IL12RB2: variants seen among roughly 807,000 people sequenced by gnomAD.
IL12RB2 encodes the protein interleukin 12 receptor subunit beta 2.
In IL12RB2, 82 loss-of-function variants were observed where a neutral mutation model predicts 89.4. That is an observed-to-expected ratio of 0.92 (90% CI 0.77 to 1.10). The LOEUF (loss-of-function observed/expected upper bound fraction) is 1.10, where lower values mean the gene tolerates loss of function less well. Among genes scored for constraint, IL12RB2 ranks in the 50% least tolerant of loss-of-function variants. The probability of loss-of-function intolerance (pLI) is 0.00; values close to 1 mark genes in which losing one functional copy is unlikely to be tolerated. For synonymous variants in IL12RB2, 368 were observed against 370.1 expected (o/e 0.99, Z 0.07); for missense variants, 963 against 1,031.9 (o/e 0.93, Z 0.92).
chr1:67,337,000 A>C (rs1658856474), intron 8 of IL12RB2, among the ~76,000 whole-genome samples: 2 of 152,154 alleles, frequency 1.3e-5, no homozygotes, highest in South Asian at 4.1e-4. Flanking sequence ...TGAGGGAGCT[A>C]GCCGAAGGAT....
intron 1 of IL12RB2, among the ~76,000 whole-genome samples, chr1:67,313,541 C>A (rs1318225584): frequency 1.3e-5 from 2 of 152,110 alleles, no homozygotes; most frequent in African/African-American, 4.8e-5. Context: ...AATCAGGAGA[C>A]TGGCCGGGCA....
chr1:67,341,535 GA>G (rs67636406), intron 9 of IL12RB2, among the ~76,000 whole-genome samples: 9,958 of 36,082 alleles, frequency 0.28, 390 homozygotes, highest in South Asian at 0.38. Flanking sequence ...GAAAGAGAAA[GA>G]AAGAAAGAAA....
rs531877321 is a variant in IL12RB2, at chr1:67,397,110, G to C, written c.*1021G>C. 6.7e-6 allele frequency among the ~76,000 whole-genome samples: 1 copy of C among 150,078 alleles called. No homozygotes were observed. Among genetic ancestry groups the C allele is most frequent in the African/African-American group, 2.5e-5 (1 of 40,738 alleles). On this transcript the variant is annotated 3_prime_UTR_variant, in exon 17 of 17. Transcript: ENST00000674203. ...CCACTGCACTCCAGCCTGGGCAACA[G>C]AGCAAGACTCTGTCTCAAAAAAGAA...
chr1:67,367,545 A>T (rs1022771085), intron 10 of IL12RB2, among the ~76,000 whole-genome samples: 2 of 150,184 alleles, frequency 1.3e-5, no homozygotes, highest in Non-Finnish European at 3.0e-5. Flanking sequence ...GAGGGAAGGA[A>T]GGAAGGGAAG....
At chr1:67,310,393 T>C (rs941877932) in intron 1 of IL12RB2, among the ~76,000 whole-genome samples, 1 of 152,160 alleles carries the variant, frequency 6.6e-6, no homozygotes. Context: ...AAGGCCCAGT[T>C]CATGACCTAC....
At chr1:67,321,337 TAA>T (rs992569433) in intron 3 of IL12RB2, among the ~76,000 whole-genome samples, 39 of 152,316 alleles carry the variant, frequency 2.6e-4, no homozygotes, top group African/African-American at 9.4e-4. Context: ...TCCTGCTTTC[TAA>T]CCACTTTCCT....
At chr1:67,376,136 G>A (rs1020919451) in intron 13 of IL12RB2, among the ~76,000 whole-genome samples, 1 of 151,920 alleles carries the variant, frequency 6.6e-6, no homozygotes, top group African/African-American at 2.4e-5. Flanking sequence ...GTGAGCCACC[G>A]CGCCTGGCTG....
At chr1:67,347,088 T>C (rs1255455336) in intron 9 of IL12RB2, among the ~76,000 whole-genome samples, 1 of 152,022 alleles carries the variant, frequency 6.6e-6, no homozygotes, top group Non-Finnish European at 1.5e-5. Context: ...GCACTGAGGC[T>C]CAAAAAGGGA....
chr1:67,376,888 T>G (rs1570139275), intron 13 of IL12RB2, among the ~76,000 whole-genome samples: 1 of 152,306 alleles, frequency 6.6e-6, no homozygotes, highest in East Asian at 1.9e-4. Context: ...AAGGTCTCTC[T>G]AAAATTAATT....
intron 15 of IL12RB2, among the ~76,000 whole-genome samples, chr1:67,389,509 G>A (rs1378199116): frequency 6.6e-6 from 1 of 152,072 alleles, no homozygotes; most frequent in Non-Finnish European, 1.5e-5. Context: ...TACAATCACT[G>A]TTAATAGATA....
At chr1:67,336,889 A>G (rs751628901) in intron 8 of IL12RB2, among the ~76,000 whole-genome samples, 1 of 152,326 alleles carries the variant, frequency 6.6e-6, no homozygotes, top group Middle Eastern at 3.4e-3. Context: ...GGAAACAGCA[A>G]GAGCTACACT....
Position 67,395,527 on chromosome 1 carries a change from TTCC to T in IL12RB2, c.2047-12_2047-10del. Reference sequence around the variant, plus strand: ...TCACTTCTACAGCAGTGTGAGCCTCTTCCTCCTCCTTTCTCTCAGGAGAAGACA... The same window carrying T: ...TCACTTCTACAGCAGTGTGAGCCTCTTCCTCCTTTCTCTCAGGAGAAGACA... On this transcript the variant is annotated splice_polypyrimidine_tract_variant and intron_variant, in intron 16 of 16. Transcript: ENST00000674203. 1 of 1,614,200 alleles carries T rather than the reference TTCC, an allele frequency of 6.2e-7. No individual in the cohort carries two copies. The highest frequency in any genetic ancestry group is 1.1e-5 in the South Asian group (1 of 91,088).
At chr1:67,315,043 G>C (rs977784168) in intron 2 of IL12RB2, among the ~76,000 whole-genome samples, 1 of 152,102 alleles carries the variant, frequency 6.6e-6, no homozygotes, top group African/African-American at 2.4e-5. Context: ...TTTACTTGAA[G>C]GTCTTTGGGG....
At chr1:67,390,268 G>A in intron 16 of IL12RB2, 140 bp downstream of exon 16, 1 of 664,110 alleles carries the variant, frequency 1.5e-6, no homozygotes, top group Non-Finnish European at 2.8e-6. Flanking sequence ...CTACCACTGA[G>A]TCATCATTCT....
At chr1:67,324,310 C>T (rs1656991584) in intron 4 of IL12RB2, among the ~76,000 whole-genome samples, 2 of 152,210 alleles carry the variant, frequency 1.3e-5, no homozygotes, top group Admixed American at 1.3e-4. Flanking sequence ...TCAACCTCTG[C>T]CTCCTGGGCT....
chr1:67,386,872 TTA>T (rs1179774666), intron 15 of IL12RB2, among the ~76,000 whole-genome samples: 1,650 of 48,014 alleles, frequency 0.034, 13 homozygotes, highest in African/African-American at 0.056. Flanking sequence ...GAAATGTATT[TTA>T]TATATATATA....
rs1225808144 is a variant in IL12RB2 at position 67,395,793 on chromosome 1, G to T, written c.2293G>T (p.Asp765Tyr). ...CCAAGCTGAGAGCAGACAACTGGTG[G>T]ATCTGTACAAGGTGCTGGAGAGCAG... ...ALQAESRQLV[D>Y]LYKVLESRGS... Residue 765 changes from aspartate (D) to tyrosine (Y), a missense_variant, in exon 17 of 17, where the codon GAT becomes TAT. Asp to Tyr is a radical substitution (Grantham distance 160). Coordinates refer to ENST00000674203, the MANE Select transcript of IL12RB2 (RefSeq NM_001374259.2). The T allele has an allele frequency of 6.2e-7, 1 of 1,614,148 alleles. No homozygotes were observed. Among genetic ancestry groups the T allele is most frequent in the African/African-American group, 1.3e-5 (1 of 75,050 alleles).
chr1:67,307,462 T>A (rs1654408709), upstream of IL12RB2: 1 of 152,368 alleles, frequency 6.6e-6, no homozygotes, highest in Non-Finnish European at 1.5e-5. Flanking sequence ...CACACGATTT[T>A]ATCGCGCCTA....
At position 67,361,058 on chromosome 1, in the gene IL12RB2, G is replaced by A. The variant is rs937855639; in HGVS notation, c.1259-6767G>A. Among the ~76,000 whole-genome samples the A allele has an allele frequency of 1.2e-3, 176 of 152,126 alleles. 2 individuals are homozygous for A. Among genetic ancestry groups the A allele is most frequent in the Admixed American group, 0.011 (171 of 15,294 alleles). On this transcript the variant is annotated intron_variant, in intron 10 of 16. Transcript: ENST00000674203. ...GTAGCCATCCTATCCCACTTAAGAG[G>A]GGAAAACTGATAAGCACTGGCAAGT...
Sources: allele counts gnomAD v4.1 joint callset (sites outside exome capture counted in the v4.1 genomes callset), GRCh38; gene constraint gnomAD v4.1.1; transcripts MANE v1.5; gene names NCBI Gene and HGNC (gene_info 2026-07-23, HGNC 2026-07-21).